ATP2B3: variants seen among roughly 807,000 people sequenced by gnomAD.
ATP2B3 encodes the protein ATPase plasma membrane Ca2+ transporting 3, also known as plasma membrane calcium-transporting ATPase 3.
ATP2B3 carries 12 observed loss-of-function variants against 70.8 expected under a neutral mutation model. The ratio of observed to expected loss-of-function variants is 0.17; its 90% CI spans 0.11 to 0.27. ATP2B3 has a LOEUF of 0.27. Ranked by LOEUF, ATP2B3 falls within the 10% of genes least tolerant of loss-of-function variation. The pLI is 1.00. For missense variants in ATP2B3, 858 were observed against 1,118.5 expected, an observed-to-expected ratio of 0.77 and a Z score of 3.32; for synonymous variants, 460 against 497.8, an observed-to-expected ratio of 0.92 and a Z score of 1.01.
Position 153,582,471 on chromosome X carries a change from G to A in ATP2B3, c.*2173G>A, listed in dbSNP as rs1242265033. 3.6e-5 allele frequency: 4 copies of A among 112,646 alleles called. No individual in the cohort carries two copies. The highest frequency in any genetic ancestry group is 6.5e-5 in the African/African-American group (2 of 30,934). The allele number at this position is 112,646 out of a possible 1,213,427, so 9.3% of individuals were successfully genotyped here. ...GGAGCTGCGTGCTGCTGCACTCACC[G>A]GCTTCTTCTCACTCTCTGTCGTAGA... On this transcript the variant is annotated 3_prime_UTR_variant, in exon 22 of 22. Transcript: ENST00000263519.
chrX:153,546,043 T>C, intron 7 of ATP2B3, 45 bp from the exon 8 acceptor site: 1 of 1,205,354 alleles, frequency 8.3e-7, no homozygotes, highest in Non-Finnish European at 1.1e-6. Flanking sequence ...GCCCCCAGGC[T>C]GGTGTCCTCA....
intron 10 of ATP2B3, among the ~76,000 whole-genome samples, chrX:153,549,236 G>C (rs1177545343): frequency 9.7e-6 from 1 of 102,944 alleles, no homozygotes; most frequent in Non-Finnish European, 2.0e-5. Flanking sequence ...GGGTGGGAGA[G>C]CTGCAGGGCT....
At chrX:153,542,697 A>G (rs1307841790) in intron 6 of ATP2B3, among the ~76,000 whole-genome samples, 5 of 113,376 alleles carry the variant, frequency 4.4e-5, no homozygotes, top group African/African-American at 1.3e-4. Flanking sequence ...GGAAGCCCCA[A>G]GCGGAGAGGC....
chrX:153,530,069 G>A (rs1240443911), intron 2 of ATP2B3, among the ~76,000 whole-genome samples: 1 of 112,521 alleles, frequency 8.9e-6, no homozygotes, highest in Non-Finnish European at 1.9e-5. Flanking sequence ...ATTCTTTGGG[G>A]CCTACCCCAG....
At chrX:153,564,039 C>T (rs1481726073) in intron 20 of ATP2B3, among the ~76,000 whole-genome samples, 5 of 112,133 alleles carry the variant, frequency 4.5e-5, no homozygotes, top group Non-Finnish European at 9.4e-5. Flanking sequence ...CTACAATATG[C>T]GAAGCCATGC....
At chrX:153,528,771 G>A (rs1400863050) in intron 2 of ATP2B3, among the ~76,000 whole-genome samples, 3 of 112,139 alleles carry the variant, frequency 2.7e-5, no homozygotes, top group African/African-American at 6.5e-5. Context: ...AGCTGCGGCC[G>A]CACCTGTCCC....
At chrX:153,551,932 C>T (rs189667232) in intron 12 of ATP2B3, among the ~76,000 whole-genome samples, 47 of 112,407 alleles carry the variant, frequency 4.2e-4, no homozygotes, top group Non-Finnish European at 8.1e-4. Context: ...CTCTGCAGGA[C>T]GCCCAGGGCT....
intron 17 of ATP2B3, 92 bp from the exon 18 acceptor site, chrX:153,559,637 C>A: frequency 1.3e-6 from 1 of 745,985 alleles, no homozygotes; most frequent in Non-Finnish European, 2.0e-6. Flanking sequence ...GTGATGTGGA[C>A]CCCATGAGGA....
intron 2 of ATP2B3, among the ~76,000 whole-genome samples, chrX:153,528,812 G>A (rs782515702): frequency 2.7e-5 from 3 of 112,371 alleles, no homozygotes; most frequent in African/African-American, 9.7e-5. Flanking sequence ...CAGGAAGGAG[G>A]GGAAGGGCAG....
intron 8 of ATP2B3, 28 bp downstream of exon 8, chrX:153,546,157 C>G: frequency 8.3e-7 from 1 of 1,209,851 alleles, no homozygotes; most frequent in South Asian, 1.8e-5. Flanking sequence ...TTGGGCACAA[C>G]AAGCTTGGAG....
At chrX:153,551,981 C>T (rs1403190757) in intron 12 of ATP2B3, among the ~76,000 whole-genome samples, 6 of 112,681 alleles carry the variant, frequency 5.3e-5, no homozygotes, top group East Asian at 2.8e-4. Flanking sequence ...CTGTGTTCTG[C>T]GGACTGGACC....
At chrX:153,555,734 A>G (rs1331374730) in intron 13 of ATP2B3, among the ~76,000 whole-genome samples, 1 of 112,368 alleles carries the variant, frequency 8.9e-6, no homozygotes, top group Non-Finnish European at 1.9e-5. Context: ...ACTTTTAACA[A>G]TTTTGTAACT....
At chrX:153,542,480 C>T (rs782252118) in intron 6 of ATP2B3, 32 bp downstream of exon 6, 1 of 1,202,711 alleles carries the variant, frequency 8.3e-7, no homozygotes, top group Admixed American at 2.2e-5. Flanking sequence ...AGCCTGGCAC[C>T]AAGGGGCGTC....
At chrX:153,549,837 GC>G in intron 11 of ATP2B3, 98 bp downstream of exon 11, 31 of 1,082,486 alleles carry the variant, frequency 2.9e-5, no homozygotes, top group Non-Finnish European at 3.8e-5. Flanking sequence ...TGCTCATTAG[GC>G]CCCCCCTTGA....
intron 21 of ATP2B3, among the ~76,000 whole-genome samples, chrX:153,571,969 T>C (rs1269784740): frequency 8.9e-6 from 1 of 112,312 alleles, no homozygotes; most frequent in Non-Finnish European, 1.9e-5. Flanking sequence ...CCTCCTGCCA[T>C]CATCACAGTG....
chrX:153,556,240 C>T lies in ATP2B3; in HGVS notation c.2238+12C>T. The T allele has an allele frequency of 1.7e-6, 2 of 1,206,427 alleles. No individual in the cohort carries two copies. The highest frequency in any genetic ancestry group is 2.2e-6 in the Non-Finnish European group (2 of 892,196). On this transcript the variant is annotated intron_variant, in intron 14 of 21. Transcript: ENST00000263519. Reference sequence around the variant, plus strand: ...ATGAGAAAGGCGAGGTAGCACCCGGCTGTCTGCCACCCCAGACCCCCCTTC... The same window carrying T: ...ATGAGAAAGGCGAGGTAGCACCCGGTTGTCTGCCACCCCAGACCCCCCTTC...
chrX:153,563,173 G>C (rs1453814158), intron 20 of ATP2B3, among the ~76,000 whole-genome samples: 2 of 54,119 alleles, frequency 3.7e-5, no homozygotes, highest in African/African-American at 1.5e-4. Flanking sequence ...ACAGGGTCTT[G>C]TTCTGTTGCC....
intron 2 of ATP2B3, among the ~76,000 whole-genome samples, chrX:153,530,251 G>A (rs1375640836): frequency 8.9e-6 from 1 of 112,356 alleles, no homozygotes; most frequent in Non-Finnish European, 1.9e-5. Flanking sequence ...TCCCCCAGGG[G>A]TTGGGGTGCT....
intron 2 of ATP2B3, among the ~76,000 whole-genome samples, chrX:153,533,862 C>T (rs782791517): frequency 1.8e-5 from 2 of 111,019 alleles, no homozygotes; most frequent in South Asian, 7.7e-4. Context: ...GGGCAGGGAC[C>T]GGGTGGGGGA....
Sources: gnomAD v4.1 joint callset for allele counts (sites outside exome capture counted in the v4.1 genomes callset) on GRCh38, gnomAD v4.1.1 for gene constraint, MANE v1.5 for transcripts, NCBI Gene and HGNC (gene_info 2026-07-23, HGNC 2026-07-21) for gene names.